Variants in CPEB1 observed in about 807,000 individuals in gnomAD.
CPEB1 encodes the protein cytoplasmic polyadenylation element-binding protein 1.
Under a neutral mutation model 65.8 loss-of-function variants are expected in CPEB1, and 7 were observed. The ratio of observed to expected loss-of-function variants is 0.11; its 90% CI spans 0.06 to 0.20. CPEB1 has a LOEUF of 0.20. CPEB1 is among the 10% of genes least tolerant of loss of function. The pLI is 1.00. For missense variants in CPEB1, 551 were observed against 712.2 expected, an observed-to-expected ratio of 0.77 and a Z score of 2.58; for synonymous variants, 262 against 260.0, an observed-to-expected ratio of 1.01 and a Z score of -0.08.
intron 5 of CPEB1, 73 bp downstream of exon 5, chr15:82,557,687 T>C (rs1021621070): frequency 1.1e-5 from 14 of 1,295,298 alleles, no homozygotes; most frequent in Non-Finnish European, 1.4e-5. Flanking sequence ...CCATAGATAT[T>C]GTACCCTCCT....
At chr15:82,643,154 A>C (rs1295844012) in intron 1 of CPEB1, among the ~76,000 whole-genome samples, 1 of 152,154 alleles carries the variant, frequency 6.6e-6, no homozygotes, top group Non-Finnish European at 1.5e-5. Flanking sequence ...CTCATAGCTG[A>C]GTGCCTTGCT....
chr15:82,597,062 G>A (rs1400896413), intron 3 of CPEB1, among the ~76,000 whole-genome samples: 5 of 152,162 alleles, frequency 3.3e-5, no homozygotes, highest in South Asian at 2.1e-4. Flanking sequence ...GTTGGCTCAC[G>A]CCTGTAATCC....
intron 3 of CPEB1, among the ~76,000 whole-genome samples, chr15:82,621,397 G>A (rs961717407): frequency 7.2e-5 from 11 of 151,912 alleles, no homozygotes; most frequent in Non-Finnish European, 1.5e-4. Flanking sequence ...CGAGGCAGGC[G>A]GATCACCTGA....
intron 3 of CPEB1, among the ~76,000 whole-genome samples, chr15:82,614,745 AGAAAC>A (rs148250233): frequency 0.013 from 1,942 of 152,148 alleles, 31 homozygotes; most frequent in African/African-American, 0.043. Flanking sequence ...AAAGAAAGAA[AGAAAC>A]GAAACGAAAC....
At chr15:82,644,886 G>A (rs2051943125) in intron 1 of CPEB1, among the ~76,000 whole-genome samples, 2 of 152,230 alleles carry the variant, frequency 1.3e-5, no homozygotes, top group Middle Eastern at 3.2e-3. Flanking sequence ...GCTGAGCCTG[G>A]AGTCTTACTA....
At position 82,544,574 on chromosome 15, in the gene CPEB1, T is replaced by C; in HGVS notation, c.*18A>G. 1 of 1,603,916 alleles carries C rather than the reference T, an allele frequency of 6.2e-7. No homozygotes were observed. The highest frequency in any genetic ancestry group is 1.1e-5 in the South Asian group (1 of 90,352). ...GCCAGCTTTGGGCGCCACAGGCCAC[T>C]GGGCAAGGCCAGCTCCTCTAGCTGG... On this transcript the variant is annotated 3_prime_UTR_variant, in exon 13 of 13. Coordinates refer to ENST00000684509, the MANE Select transcript of CPEB1 (RefSeq NM_001365242.1).
At chr15:82,600,997 C>T (rs968470160) in intron 3 of CPEB1, among the ~76,000 whole-genome samples, 10 of 149,304 alleles carry the variant, frequency 6.7e-5, no homozygotes, top group African/African-American at 2.5e-4. Context: ...CTCCACCTCC[C>T]GAGTTCAAGC....
At chr15:82,573,936 T>C (rs187524015) in intron 3 of CPEB1, among the ~76,000 whole-genome samples, 1 of 152,248 alleles carries the variant, frequency 6.6e-6, no homozygotes, top group East Asian at 1.9e-4. Context: ...ACCACTGTAC[T>C]CCAGCCTGGG....
At chr15:82,637,907 G>A in intron 1 of CPEB1, 1 of 418,976 alleles carries the variant, frequency 2.4e-6, no homozygotes, top group Non-Finnish European at 4.8e-6. Flanking sequence ...AAATTAAAAA[G>A]GGGTAGATTT....
chr15:82,585,171 T>TC (rs1050503341), intron 3 of CPEB1, among the ~76,000 whole-genome samples: 1 of 151,958 alleles, frequency 6.6e-6, no homozygotes, highest in Non-Finnish European at 1.5e-5. Context: ...AGGAAGACCC[T>TC]CCCCCCAGTA....
At chr15:82,640,765 C>T (rs2047039865) in intron 1 of CPEB1, 1 of 152,078 alleles carries the variant, frequency 6.6e-6, no homozygotes, top group Admixed American at 6.6e-5. Context: ...TCAACTGGTG[C>T]TTCTATAGGA....
intron 3 of CPEB1, among the ~76,000 whole-genome samples, chr15:82,584,895 CTAATT>C (rs1318128962): frequency 2.3e-5 from 1 of 44,442 alleles, no homozygotes; most frequent in Non-Finnish European, 3.5e-5. Flanking sequence ...TTTTTTTTTC[CTAATT>C]TGCTTTTTTT....
intron 1 of CPEB1, chr15:82,638,491 T>G (rs1297676543): frequency 6.6e-6 from 1 of 152,234 alleles, no homozygotes; most frequent in Non-Finnish European, 1.5e-5. Flanking sequence ...AATTCTTATT[T>G]TTTTCTTCAG....
chr15:82,622,010 T>C lies in CPEB1; in HGVS notation c.271+5183A>G, dbSNP rs1227493773. ...ATATAGCAGTTAAGACATCCCTTAA[T>C]GATGTTTCACCACTTTTCACATCTT... On this transcript the variant is annotated intron_variant, in intron 3 of 12. Transcript: ENST00000684509. Among the ~76,000 whole-genome samples, 5 of 152,230 alleles carry C rather than the reference T, an allele frequency of 3.3e-5. No homozygotes were observed. The South Asian group carries it at 8.3e-4, about 25-fold the overall frequency.
At chr15:82,598,323 A>C (rs2042824408) in intron 3 of CPEB1, among the ~76,000 whole-genome samples, 1 of 151,822 alleles carries the variant, frequency 6.6e-6, no homozygotes, top group Non-Finnish European at 1.5e-5. Context: ...GTGAAACCTC[A>C]TCTCTACTAA....
Position 82,544,584 on chromosome 15 carries a change from C to T in CPEB1, c.*8G>A. On this transcript the variant is annotated 3_prime_UTR_variant, in exon 13 of 13. Transcript: ENST00000684509. ...GGCGCCACAGGCCACTGGGCAAGGC[C>T]AGCTCCTCTAGCTGGAATCTCGGTT... 2 of 1,610,280 alleles carry T rather than the reference C, an allele frequency of 1.2e-6. No homozygotes were observed. The highest frequency in any genetic ancestry group is 1.7e-6 in the Non-Finnish European group (2 of 1,178,198).
intron 5 of CPEB1, among the ~76,000 whole-genome samples, chr15:82,556,931 G>A (rs1201751366): frequency 6.6e-6 from 1 of 152,178 alleles, no homozygotes; most frequent in Admixed American, 6.5e-5. Flanking sequence ...CCTGGGTATG[G>A]GGAAGAGAAG....
chr15:82,565,965 G>A (rs1037395440), intron 4 of CPEB1, among the ~76,000 whole-genome samples: 2 of 152,230 alleles, frequency 1.3e-5, no homozygotes, highest in Admixed American at 6.5e-5. Context: ...ACCTGGCAGA[G>A]GGTTCCAGTT....
At chr15:82,574,720 CTCAAAAA>C (rs2040452092) in intron 3 of CPEB1, among the ~76,000 whole-genome samples, 1 of 35,176 alleles carries the variant, frequency 2.8e-5, no homozygotes, top group African/African-American at 1.7e-4. Flanking sequence ...TAGACTCGGT[CTCAAAAA>C]AAAAAAAAAA....
Sources: allele counts gnomAD v4.1 joint callset (sites outside exome capture counted in the v4.1 genomes callset), GRCh38; gene constraint gnomAD v4.1.1; transcripts MANE v1.5; gene names NCBI Gene and HGNC (gene_info 2026-07-23, HGNC 2026-07-21).